Variants in VRK2 observed in about 807,000 individuals in gnomAD.
VRK2 encodes the protein VRK serine/threonine kinase 2, also known as serine/threonine-protein kinase VRK2.
Under a neutral mutation model 57.6 loss-of-function variants are expected in VRK2, and 60 were observed. The ratio of observed to expected loss-of-function variants is 1.04; its 90% CI spans 0.85 to 1.29. VRK2 has a LOEUF of 1.29. Among genes scored for constraint, VRK2 ranks in the 50% most tolerant of loss-of-function variants. The pLI, the probability that VRK2 is intolerant of heterozygous loss-of-function variation, is 0.00. For missense variants in VRK2, 705 were observed against 588.1 expected, an observed-to-expected ratio of 1.20 and a Z score of -2.06; for synonymous variants, 231 against 199.2, an observed-to-expected ratio of 1.16 and a Z score of -1.35.
At chr2:57,972,714 A>G (rs1453413354) in intron 1 of VRK2, among the ~76,000 whole-genome samples, 1 of 151,930 alleles carries the variant, frequency 6.6e-6, no homozygotes, top group Non-Finnish European at 1.5e-5. Flanking sequence ...AAGAAACGAA[A>G]CATATAAATT....
At chr2:57,996,700 T>C (rs1052016187) in intron 1 of VRK2, among the ~76,000 whole-genome samples, 2 of 152,168 alleles carry the variant, frequency 1.3e-5, no homozygotes, top group Non-Finnish European at 2.9e-5. Flanking sequence ...TTGTTATTAT[T>C]ATACTATTTT....
intron 1 of VRK2, among the ~76,000 whole-genome samples, chr2:57,994,522 A>T: frequency 6.6e-6 from 1 of 152,224 alleles, no homozygotes; most frequent in East Asian, 1.9e-4. Flanking sequence ...TGAATAACAG[A>T]AGAACAAAAA....
At chr2:58,059,782 T>C (rs953442044) in intron 2 of VRK2, among the ~76,000 whole-genome samples, 8 of 150,492 alleles carry the variant, frequency 5.3e-5, no homozygotes, top group Non-Finnish European at 8.9e-5. Flanking sequence ...CAACAGATAG[T>C]TATTAGCTAT....
intron 10 of VRK2, among the ~76,000 whole-genome samples, chr2:58,137,156 T>TTA (rs1207275177): frequency 2.0e-4 from 5 of 24,456 alleles, no homozygotes; most frequent in Middle Eastern, 0.042. Flanking sequence ...TATCATGTGT[T>TTA]TATATATATC....
At chr2:57,922,192 T>C (rs1372958207) in intron 1 of VRK2, among the ~76,000 whole-genome samples, 1 of 151,916 alleles carries the variant, frequency 6.6e-6, no homozygotes, top group Non-Finnish European at 1.5e-5. Context: ...GGATAGCTGA[T>C]CCATCAAAAA....
intron 2 of VRK2, among the ~76,000 whole-genome samples, chr2:58,027,625 T>C (rs1225445853): frequency 6.6e-6 from 1 of 152,146 alleles, no homozygotes; most frequent in Non-Finnish European, 1.5e-5. Context: ...GTTAGTCAAC[T>C]ATATAAATTA....
chr2:57,957,515 T>C (rs1351379239), intron 1 of VRK2, among the ~76,000 whole-genome samples: 1 of 150,948 alleles, frequency 6.6e-6, no homozygotes, highest in African/African-American at 2.4e-5. Context: ...TCTTATGTTT[T>C]TTATCTCATT....
chr2:58,077,260 A>G (rs546326591), intron 2 of VRK2, among the ~76,000 whole-genome samples: 4 of 152,200 alleles, frequency 2.6e-5, no homozygotes, highest in South Asian at 4.1e-4. Context: ...AAGGACAAAC[A>G]TTGTGTAGAA....
intron 2 of VRK2, among the ~76,000 whole-genome samples, chr2:58,073,577 GT>G (rs1297533928): frequency 6.7e-6 from 1 of 150,128 alleles, no homozygotes; most frequent in Non-Finnish European, 1.5e-5. Flanking sequence ...ATTCCTGATT[GT>G]TTTTCTGGTT....
intron 7 of VRK2, among the ~76,000 whole-genome samples, chr2:58,113,387 A>C (rs1675886290): frequency 6.6e-6 from 1 of 151,884 alleles, no homozygotes; most frequent in Non-Finnish European, 1.5e-5. Context: ...AACTTCAGAG[A>C]GAGCCCCTCC....
intron 8 of VRK2, among the ~76,000 whole-genome samples, chr2:58,124,271 A>G (rs771649889): frequency 9.9e-5 from 15 of 152,216 alleles, no homozygotes; most frequent in Non-Finnish European, 2.2e-4. Context: ...GGAGGTCAAT[A>G]TTGAAAATAT....
intron 1 of VRK2, among the ~76,000 whole-genome samples, chr2:57,932,123 C>A (rs1409435468): frequency 6.6e-6 from 1 of 151,934 alleles, no homozygotes; most frequent in Non-Finnish European, 1.5e-5. Context: ...TGTTTTCATA[C>A]AAATTTTAGG....
At chr2:57,954,894 A>G (rs1225228296) in intron 1 of VRK2, among the ~76,000 whole-genome samples, 2 of 152,198 alleles carry the variant, frequency 1.3e-5, no homozygotes, top group African/African-American at 4.8e-5. Context: ...CTCACAGAAA[A>G]AAGAAGCCGT....
chr2:58,035,760 A>G (rs1674255068), intron 3 of VRK2, among the ~76,000 whole-genome samples: 1 of 152,090 alleles, frequency 6.6e-6, no homozygotes, highest in African/African-American at 2.4e-5. Flanking sequence ...ATGAAAGGGC[A>G]GTAGAATCAT....
intron 1 of VRK2, among the ~76,000 whole-genome samples, chr2:57,981,721 A>G (rs1672429207): frequency 6.6e-6 from 1 of 152,060 alleles, no homozygotes; most frequent in Non-Finnish European, 1.5e-5. Flanking sequence ...TTTCTTGGAG[A>G]TTTTATTCAA....
intron 6 of VRK2, 108 bp downstream of exon 6, chr2:58,088,554 A>G (rs1458719626): frequency 5.7e-6 from 5 of 877,362 alleles, no homozygotes; most frequent in Non-Finnish European, 9.3e-6. Context: ...TTATTGCCCT[A>G]GAGACATCAG....
chr2:58,111,791 A>C (rs960447184), intron 7 of VRK2, among the ~76,000 whole-genome samples: 2 of 151,928 alleles, frequency 1.3e-5, no homozygotes, highest in Admixed American at 6.6e-5. Flanking sequence ...ATTTCACAGA[A>C]AAAAAAAGGT....
chr2:57,996,842 T>C (rs1262345384), intron 1 of VRK2, among the ~76,000 whole-genome samples: 1 of 152,132 alleles, frequency 6.6e-6, no homozygotes, highest in Non-Finnish European at 1.5e-5. Context: ...TTATTTATAA[T>C]ACCTAATGAA....
At chr2:58,078,705 C>G (rs1404526128) in intron 2 of VRK2, among the ~76,000 whole-genome samples, 1 of 152,016 alleles carries the variant, frequency 6.6e-6, no homozygotes, top group African/African-American at 2.4e-5. Flanking sequence ...TTATAGTAGC[C>G]ATCCTAATGG....
Sources: gnomAD v4.1 joint callset for allele counts (sites outside exome capture counted in the v4.1 genomes callset) on GRCh38, gnomAD v4.1.1 for gene constraint, MANE v1.5 for transcripts, NCBI Gene and HGNC (gene_info 2026-07-23, HGNC 2026-07-21) for gene names.